The following DZIP3 variants were observed in gnomAD, a reference collection of about 807,000 sequenced individuals.
DZIP3 encodes the protein DAZ interacting zinc finger protein 3.
In DZIP3, 118 loss-of-function variants were observed where a neutral mutation model predicts 162.0. That is an observed-to-expected ratio of 0.73 (90% CI 0.63 to 0.85). The LOEUF is 0.85. DZIP3 is among the 40% of genes least tolerant of loss of function. The pLI is 0.00. For synonymous variants in DZIP3, 438 were observed against 458.6 expected (o/e 0.96, Z 0.57); for missense variants, 1,331 against 1,407.0 (o/e 0.95, Z 0.86).
At chr3:108,677,738 G>A in intron 26 of DZIP3, 140 bp downstream of exon 26, 4 of 763,582 alleles carry the variant, frequency 5.2e-6, no homozygotes. Flanking sequence ...TTGTAATTAT[G>A]ACCATACCTT....
intron 27 of DZIP3, among the ~76,000 whole-genome samples, chr3:108,685,703 A>G (rs1399430661): frequency 6.6e-6 from 1 of 152,108 alleles, no homozygotes; most frequent in Admixed American, 6.6e-5. Context: ...TCCCATCTTT[A>G]TTTGGTTGTT....
intron 1 of DZIP3, among the ~76,000 whole-genome samples, chr3:108,593,202 A>G (rs1451437906): frequency 6.6e-6 from 1 of 152,206 alleles, no homozygotes; most frequent in Non-Finnish European, 1.5e-5. Flanking sequence ...ACACTTATTG[A>G]GCATTTGCCA....
At chr3:108,677,687 C>T (rs996642976) in intron 26 of DZIP3, 89 bp downstream of exon 26, 11 of 1,178,290 alleles carry the variant, frequency 9.3e-6, no homozygotes, top group Middle Eastern at 2.0e-4. Context: ...GTATGTTTAA[C>T]GTGTGTTCAA....
intron 12 of DZIP3, among the ~76,000 whole-genome samples, chr3:108,640,315 A>G (rs1232067455): frequency 1.1e-4 from 14 of 125,478 alleles, no homozygotes. Context: ...GAAGTATACT[A>G]TTCATTTTTT....
At chr3:108,631,056 C>CACACACACACACACA (rs1385172484) in intron 8 of DZIP3, among the ~76,000 whole-genome samples, 10 of 29,048 alleles carry the variant, frequency 3.4e-4, no homozygotes, top group South Asian at 1.3e-3. Context: ...CACACACACA[C>CACACACACACACACA]TCTCTCTCTC....
chr3:108,634,414 A>T (rs1401680309), intron 9 of DZIP3, among the ~76,000 whole-genome samples: 1 of 152,152 alleles, frequency 6.6e-6, no homozygotes, highest in Non-Finnish European at 1.5e-5. Context: ...CAAGCAATCT[A>T]TACCCTCGGA....
intron 9 of DZIP3, 38 bp downstream of exon 9, chr3:108,633,110 A>T (rs1941963463): frequency 8.8e-7 from 1 of 1,130,680 alleles, no homozygotes; most frequent in African/African-American, 1.6e-5. Context: ...TTTAAAAAGT[A>T]ATTGAAAAAT....
chr3:108,632,771 A>C (rs1333142963), intron 8 of DZIP3, among the ~76,000 whole-genome samples, 182 bp from the exon 9 acceptor site: 1 of 152,216 alleles, frequency 6.6e-6, no homozygotes, highest in East Asian at 1.9e-4. Flanking sequence ...GGACCTTCCT[A>C]TACATTGTTT....
rs532571834 is a variant in DZIP3 at position 108,689,950 on chromosome 3, A to G, written c.3517-837A>G. Among the ~76,000 whole-genome samples the G allele has an allele frequency of 9.2e-5, 14 of 152,348 alleles. No homozygotes were observed. In the South Asian group the frequency reaches 2.7e-3, roughly 29 times the overall value. ...AAAGATATGATATGTGGTACCTGGTACAGAATTATATTTTGTATTTGCTCT... is the reference window on the plus strand; with the variant it reads ...AAAGATATGATATGTGGTACCTGGTGCAGAATTATATTTTGTATTTGCTCT... On this transcript the variant is annotated intron_variant, in intron 31 of 32. Coordinates refer to ENST00000361582, the MANE Select transcript of DZIP3 (RefSeq NM_014648.4).
At chr3:108,593,623 A>T (rs572538506) in intron 1 of DZIP3, among the ~76,000 whole-genome samples, 1 of 150,816 alleles carries the variant, frequency 6.6e-6, no homozygotes, top group Admixed American at 6.6e-5. Context: ...ATTAAGCTTG[A>T]TAGCTTATTT....
intron 26 of DZIP3, among the ~76,000 whole-genome samples, chr3:108,680,833 G>A (rs1014170572): frequency 6.6e-6 from 1 of 152,126 alleles, no homozygotes; most frequent in Admixed American, 6.5e-5. Flanking sequence ...TGACAAACCT[G>A]ACAACAACAA....
intron 7 of DZIP3, 74 bp downstream of exon 7, chr3:108,626,043 G>A: frequency 6.7e-7 from 1 of 1,483,920 alleles, no homozygotes. Flanking sequence ...AGTGTGCACA[G>A]TATATCAGGC....
At chr3:108,606,170 C>T (rs1576348794) in intron 2 of DZIP3, among the ~76,000 whole-genome samples, 1 of 151,986 alleles carries the variant, frequency 6.6e-6, no homozygotes, top group African/African-American at 2.4e-5. Context: ...TGTTATTATC[C>T]CTATTTTCTA....
intron 1 of DZIP3, among the ~76,000 whole-genome samples, chr3:108,598,960 A>G (rs551253834): frequency 1.3e-4 from 20 of 152,284 alleles, no homozygotes; most frequent in African/African-American, 4.1e-4. Context: ...GCACATTCCA[A>G]CTATTCAAAA....
chr3:108,647,545 G>GA (rs1478796364), intron 15 of DZIP3, among the ~76,000 whole-genome samples: 3 of 152,042 alleles, frequency 2.0e-5, no homozygotes, highest in Admixed American at 6.6e-5. Flanking sequence ...AAAGAAAACA[G>GA]AAAAAATAGA....
At chr3:108,657,947 A>G (rs1279873902) in intron 19 of DZIP3, among the ~76,000 whole-genome samples, 1 of 152,228 alleles carries the variant, frequency 6.6e-6, no homozygotes, top group African/African-American at 2.4e-5. Flanking sequence ...TAACTATCCT[A>G]AATATATATG....
chr3:108,594,504 G>A (rs1939605403), intron 1 of DZIP3, among the ~76,000 whole-genome samples: 1 of 143,740 alleles, frequency 7.0e-6, no homozygotes, highest in Non-Finnish European at 1.5e-5. Flanking sequence ...GTAAACTTGT[G>A]TCATGGGAGT....
intron 6 of DZIP3, among the ~76,000 whole-genome samples, chr3:108,625,435 A>T (rs557242372): frequency 6.6e-6 from 1 of 152,288 alleles, no homozygotes; most frequent in South Asian, 2.1e-4. Flanking sequence ...ATGTATATGT[A>T]TGTATTTAAA....
At position 108,624,516 on chromosome 3, in the gene DZIP3, A is replaced by G. The variant is rs181576494; in HGVS notation, c.448A>G (p.Lys150Glu). 9.6e-6 allele frequency: 15 copies of G among 1,559,990 alleles called. No homozygotes were observed. The highest frequency in any genetic ancestry group is 8.2e-5 in the South Asian group (7 of 85,872). ...LYGVALTERG[K>E]KEDYTEAENK... ...TGGAGTAGCACTCACTGAAAGAGGA[A>G]AGAAAGAGGTATGTAACATGTTATT... The change falls in exon 6 of 33, where the codon AAG becomes GAG. Residue 150 changes from lysine (K) to glutamate (E), a missense_variant. Coordinates refer to ENST00000361582, the MANE Select transcript of DZIP3 (RefSeq NM_014648.4).
Sources: gnomAD v4.1 joint callset for allele counts (sites outside exome capture counted in the v4.1 genomes callset) on GRCh38, gnomAD v4.1.1 for gene constraint, MANE v1.5 for transcripts, NCBI Gene and HGNC (gene_info 2026-07-23, HGNC 2026-07-21) for gene names.